The following SLC9A9 variants were observed in gnomAD, a reference collection of about 807,000 sequenced individuals.
SLC9A9 encodes the protein solute carrier family 9 member A9.
In SLC9A9, 62 loss-of-function variants were observed where a neutral mutation model predicts 77.8. That is an observed-to-expected ratio of 0.80 (90% CI 0.65 to 0.98). SLC9A9 has a LOEUF of 0.98. Among genes scored for constraint, SLC9A9 ranks in the 50% least tolerant of loss-of-function variants. The pLI is 0.00. For synonymous variants in SLC9A9, 320 were observed against 283.5 expected (o/e 1.13, Z -1.29); for missense variants, 775 against 774.9 (o/e 1.00, Z 0.00).
At chr3:143,441,247 T>G (rs1463972633) in intron 12 of SLC9A9, among the ~76,000 whole-genome samples, 17 of 152,142 alleles carry the variant, frequency 1.1e-4, no homozygotes, top group Admixed American at 1.1e-3. Context: ...CTTCCTCCAC[T>G]TTGTGGTAGA....
intron 12 of SLC9A9, among the ~76,000 whole-genome samples, chr3:143,402,315 T>C (rs1178100539): frequency 1.3e-5 from 2 of 152,210 alleles, no homozygotes; most frequent in African/African-American, 4.8e-5. Context: ...GTGTAGAAAT[T>C]ATTGGAATAT....
chr3:143,626,348 A>C (rs1236726626), intron 6 of SLC9A9, among the ~76,000 whole-genome samples: 1 of 152,244 alleles, frequency 6.6e-6, no homozygotes, highest in Non-Finnish European at 1.5e-5. Flanking sequence ...TCACAGTCAC[A>C]AAGACTTGGA....
At chr3:143,475,733 A>T (rs935444177) in intron 11 of SLC9A9, among the ~76,000 whole-genome samples, 2 of 151,302 alleles carry the variant, frequency 1.3e-5, no homozygotes, top group South Asian at 4.2e-4. Context: ...CAGAGCTTGC[A>T]GTAAGCTGAG....
chr3:143,423,218 C>CGT (rs2034336473), intron 12 of SLC9A9, among the ~76,000 whole-genome samples: 1 of 25,812 alleles, frequency 3.9e-5, no homozygotes, highest in African/African-American at 1.5e-4. Flanking sequence ...CACACACGTA[C>CGT]ACACACACAC....
intron 8 of SLC9A9, among the ~76,000 whole-genome samples, chr3:143,566,212 A>G (rs1042749944): frequency 2.6e-5 from 4 of 152,116 alleles, no homozygotes; most frequent in African/African-American, 9.7e-5. Flanking sequence ...TTACTCTACA[A>G]AAGCCTTTCA....
intron 4 of SLC9A9, among the ~76,000 whole-genome samples, chr3:143,700,937 G>T (rs1482968238): frequency 6.6e-6 from 1 of 152,202 alleles, no homozygotes; most frequent in Non-Finnish European, 1.5e-5. Context: ...TCAACCCCAG[G>T]TCCAGGCAGC....
chr3:143,606,455 T>TAC (rs2037930472), intron 6 of SLC9A9, among the ~76,000 whole-genome samples: 1 of 144,596 alleles, frequency 6.9e-6, no homozygotes. Flanking sequence ...TATATATATA[T>TAC]ATATATGTAT....
At chr3:143,470,770 G>T (rs2035364292) in intron 11 of SLC9A9, among the ~76,000 whole-genome samples, 1 of 152,124 alleles carries the variant, frequency 6.6e-6, no homozygotes. Flanking sequence ...AAGGAGGTAA[G>T]CAATCATTAA....
At position 143,272,856 on chromosome 3, in the gene SLC9A9, T is replaced by C. The variant is rs548272557; in HGVS notation, c.1605-3876A>G. ...TCTTGGGGAAAAACAATGACTTTTC[T>C]CATCTTTAAAGGGCATAAGTTTGAG... On this transcript the variant is annotated intron_variant, in intron 14 of 15. Transcript: ENST00000316549. Among the ~76,000 whole-genome samples the C allele has an allele frequency of 2.6e-5, 4 of 152,322 alleles. No homozygotes were observed. In the East Asian group the frequency reaches 5.8e-4, roughly 22 times the overall value.
chr3:143,609,626 C>T (rs929357974), intron 6 of SLC9A9, among the ~76,000 whole-genome samples: 8 of 152,144 alleles, frequency 5.3e-5, no homozygotes, highest in Admixed American at 5.2e-4. Flanking sequence ...GACCTAAATA[C>T]TGTTACTATT....
At position 143,843,050 on chromosome 3, in the gene SLC9A9, G is replaced by GA. The variant is rs142013055; in HGVS notation, c.175+5097dup. Among the ~76,000 whole-genome samples the GA allele has an allele frequency of 2.0e-3, 294 of 150,388 alleles. 1 individual carries two copies. The highest frequency in any genetic ancestry group is 6.9e-3 in the African/African-American group (281 of 40,862). The stretch of plus-strand genomic sequence containing the variant: ...GCCCAAAATAATGCATCTAGCTACT[G>GA]AAAAAAAAATCATCAAGATTAAGAA... On this transcript the variant is annotated intron_variant, in intron 1 of 15. Transcript: ENST00000316549.
chr3:143,347,846 A>G (rs1359088869), intron 14 of SLC9A9, among the ~76,000 whole-genome samples: 1 of 152,126 alleles, frequency 6.6e-6, no homozygotes, highest in African/African-American at 2.4e-5. Context: ...CCAAGATGAT[A>G]CGGGGGATGC....
At chr3:143,681,297 G>GT (rs141586406) in intron 5 of SLC9A9, among the ~76,000 whole-genome samples, 22 of 151,438 alleles carry the variant, frequency 1.5e-4, no homozygotes, top group Middle Eastern at 3.4e-3. Context: ...TATTTAAACA[G>GT]TTTTTTTTTA....
chr3:143,361,950 C>T (rs1394908373), intron 14 of SLC9A9, among the ~76,000 whole-genome samples: 1 of 152,076 alleles, frequency 6.6e-6, no homozygotes, highest in Non-Finnish European at 1.5e-5. Flanking sequence ...TTCTGATTTA[C>T]CGTGTTCTTT....
chr3:143,370,306 A>G (rs1032814722), intron 13 of SLC9A9, among the ~76,000 whole-genome samples: 2 of 152,216 alleles, frequency 1.3e-5, no homozygotes, highest in African/African-American at 4.8e-5. Flanking sequence ...TTTTCATAAA[A>G]GTAACATTTG....
intron 7 of SLC9A9, among the ~76,000 whole-genome samples, chr3:143,574,476 G>A (rs995318963): frequency 6.6e-6 from 1 of 152,188 alleles, no homozygotes; most frequent in Non-Finnish European, 1.5e-5. Context: ...TGTGGGCCTA[G>A]CCTCATCCCT....
chr3:143,382,565 A>G (rs2033332285), intron 12 of SLC9A9, among the ~76,000 whole-genome samples: 1 of 152,158 alleles, frequency 6.6e-6, no homozygotes, highest in Admixed American at 6.5e-5. Context: ...GACTCCCCAT[A>G]GGGAGGATTC....
chr3:143,631,593 T>C (rs2038423125), intron 6 of SLC9A9, among the ~76,000 whole-genome samples: 1 of 152,072 alleles, frequency 6.6e-6, no homozygotes, highest in Admixed American at 6.6e-5. Context: ...TTTCCTCTTA[T>C]CTCTTTCATA....
intron 12 of SLC9A9, among the ~76,000 whole-genome samples, chr3:143,403,102 A>G (rs2033900867): frequency 6.6e-6 from 1 of 152,170 alleles, no homozygotes; most frequent in Non-Finnish European, 1.5e-5. Flanking sequence ...ACATCTATAT[A>G]TGTTATAAAC....
Sources: allele counts gnomAD v4.1 joint callset (sites outside exome capture counted in the v4.1 genomes callset), GRCh38; gene constraint gnomAD v4.1.1; transcripts MANE v1.5; gene names NCBI Gene and HGNC (gene_info 2026-07-23, HGNC 2026-07-21).